ARHGAP20: variants seen among roughly 807,000 people sequenced by gnomAD.
ARHGAP20 encodes Rho GTPase activating protein 20.
ARHGAP20 carries 34 observed loss-of-function variants against 73.7 expected under a neutral mutation model. The observed-to-expected ratio is 0.46, with a 90% CI of 0.35 to 0.61. The LOEUF (loss-of-function observed/expected upper bound fraction) is 0.61. Ranked by LOEUF, ARHGAP20 falls within the 20% of genes least tolerant of loss-of-function variation. The pLI is 0.00. For missense variants in ARHGAP20, 1,314 were observed against 1,420.9 expected (o/e 0.92, Z 1.21); for synonymous variants, 523 against 518.2 (o/e 1.01, Z -0.13).
intron 7 of ARHGAP20, among the ~76,000 whole-genome samples, 168 bp from the exon 8 acceptor site, chr11:110,609,218 T>C (rs1302288116): frequency 2.6e-5 from 4 of 152,080 alleles, no homozygotes; most frequent in Admixed American, 1.3e-4. Context: ...ATAGGTAGCC[T>C]ACAGAGTGTA....
chr11:110,651,958 T>C (rs901296980), intron 2 of ARHGAP20, among the ~76,000 whole-genome samples: 10 of 152,088 alleles, frequency 6.6e-5, no homozygotes, highest in African/African-American at 1.2e-4. Context: ...CAGGTCAATA[T>C]ACCTGATGAA....
In ARHGAP20 at chr11:110,585,018, CATATATGTGA is replaced by C. The variant is rs1340584876; in HGVS notation, c.1415+1188_1415+1197del. On this transcript the variant is annotated intron_variant, in intron 12 of 14. Transcript: ENST00000683387. ...ATGAATATATGAATATGTATGTGAA[CATATATGTGA>C]ATATATGTGAATATATATGAATATA... is the stretch of plus-strand genomic sequence containing the variant. Among the ~76,000 whole-genome samples, 490 of 61,822 alleles carry C rather than the reference CATATATGTGA, an allele frequency of 7.9e-3. 3 individuals carry two copies. Among genetic ancestry groups the C allele is most frequent in the South Asian group, 0.029 (46 of 1,566 alleles). The allele number at this position is 61,822 out of a possible 152,430, so 40.6% of individuals were successfully genotyped here. A position where few individuals can be genotyped will look rare whatever the true frequency, so the allele number is the denominator to read the frequency against.
Position 110,646,325 on chromosome 11 carries a change from C to G in ARHGAP20, c.189-15533G>C, listed in dbSNP as rs376803669. ...TAATTGATTCATAACTAAAAGAAAA[C>G]AGCTGGCTTTGAAAGGAAACTTTTA... On this transcript the variant is annotated intron_variant, in intron 2 of 14. Transcript: ENST00000683387. 1.1e-4 allele frequency among the ~76,000 whole-genome samples: 17 copies of G among 152,068 alleles called. 1 individual carries two copies. The highest frequency in any genetic ancestry group is 9.2e-4 in the Admixed American group (14 of 15,256).
intron 13 of ARHGAP20, among the ~76,000 whole-genome samples, chr11:110,582,719 T>C (rs1947507144): frequency 6.6e-6 from 1 of 152,240 alleles, no homozygotes; most frequent in Non-Finnish European, 1.5e-5. Context: ...AAATATATTT[T>C]GTTATTAAAA....
chr11:110,672,855 A>T (rs1949856392), intron 2 of ARHGAP20, among the ~76,000 whole-genome samples: 2 of 152,232 alleles, frequency 1.3e-5, no homozygotes, highest in Non-Finnish European at 2.9e-5. Flanking sequence ...ACATTACATG[A>T]CCTAGTAATT....
intron 12 of ARHGAP20, among the ~76,000 whole-genome samples, chr11:110,584,911 A>ATATG (rs2134794587): frequency 6.7e-6 from 1 of 149,398 alleles, no homozygotes; most frequent in Admixed American, 6.8e-5. Flanking sequence ...ATGTGAATAT[A>ATATG]TATATGAATA....
At chr11:110,585,032 T>TATATGA (rs377538550) in intron 12 of ARHGAP20, among the ~76,000 whole-genome samples, 24,476 of 146,426 alleles carry the variant, frequency 0.17, 2,565 homozygotes, top group East Asian at 0.31. Flanking sequence ...TATGTGAATA[T>TATATGA]ATGTGAATAT....
intron 2 of ARHGAP20, among the ~76,000 whole-genome samples, chr11:110,634,395 C>A (rs554581943): frequency 6.6e-6 from 1 of 152,050 alleles, no homozygotes; most frequent in African/African-American, 2.4e-5. Flanking sequence ...GTATTACTAT[C>A]CCTCATTTTA....
chr11:110,637,857 G>T (rs1480283525), intron 2 of ARHGAP20, among the ~76,000 whole-genome samples: 1 of 152,084 alleles, frequency 6.6e-6, no homozygotes, highest in Non-Finnish European at 1.5e-5. Context: ...AATGAAGGCT[G>T]AAGGGCACTT....
At chr11:110,591,337 C>G (rs944364489) in intron 10 of ARHGAP20, among the ~76,000 whole-genome samples, 2 of 152,198 alleles carry the variant, frequency 1.3e-5, no homozygotes. Context: ...ATGATAACAA[C>G]TATCCCCTAA....
chr11:110,657,123 A>G (rs192431081), intron 2 of ARHGAP20, among the ~76,000 whole-genome samples: 2 of 152,336 alleles, frequency 1.3e-5, no homozygotes, highest in Admixed American at 1.3e-4. Flanking sequence ...TAAAATAGAA[A>G]TGATGGTCTC....
rs374179856 is a variant in ARHGAP20 at position 110,579,722 on chromosome 11, G to A, written c.3224C>T (p.Pro1075Leu). 1.1e-5 allele frequency: 18 copies of A among 1,614,180 alleles called. No homozygotes were observed. Among genetic ancestry groups the A allele is most frequent in the East Asian group, 2.2e-5 (1 of 44,886 alleles). Residue 1075 changes from proline (P) to leucine (L), a missense_variant, in exon 15 of 15, where the codon CCA becomes CTA. Physicochemically the swap from Pro to Leu is moderately conservative, Grantham distance 98. This residue lies in a region of ARHGAP20 where 641 missense variants were observed against 636.9 expected (regional missense o/e 1.01). Transcript: ENST00000683387. Reference sequence around the variant, plus strand: ...GGCTTCTGGAACACCAGAAGCATGTGGGGGTGGCTCTAAGGGTCCTTTTGG... The same window carrying A: ...GGCTTCTGGAACACCAGAAGCATGTAGGGGTGGCTCTAAGGGTCCTTTTGG... ...ASPKGPLEPP[P>L]HASGVPEANS...
chr11:110,622,627 A>G (rs1232040837), intron 4 of ARHGAP20, among the ~76,000 whole-genome samples: 1 of 152,170 alleles, frequency 6.6e-6, no homozygotes, highest in African/African-American at 2.4e-5. Flanking sequence ...TAACTGATCT[A>G]TGACCATTTC....
rs561198083 is a variant in ARHGAP20 at position 110,606,766 on chromosome 11, C to G, written c.776-17G>C. The G allele has an allele frequency of 6.6e-7, 1 of 1,508,566 alleles. No individual in the cohort carries two copies. The allele number at this position is 1,508,566 out of a possible 1,614,324, so 93.4% of individuals were successfully genotyped here. ...ATTCATGCCCTACACAGAGACAAATCTAAATGTAGACTTCAGGCTGACTGG... is the reference window on the plus strand; with the variant it reads ...ATTCATGCCCTACACAGAGACAAATGTAAATGTAGACTTCAGGCTGACTGG... On this transcript the variant is annotated splice_polypyrimidine_tract_variant and intron_variant, in intron 8 of 14. Transcript: ENST00000683387.
At chr11:110,654,847 TA>T (rs894433239) in intron 2 of ARHGAP20, among the ~76,000 whole-genome samples, 1 of 152,236 alleles carries the variant, frequency 6.6e-6, no homozygotes, top group Non-Finnish European at 1.5e-5. Flanking sequence ...TCATTCCCAA[TA>T]CAATTATATT....
intron 2 of ARHGAP20, among the ~76,000 whole-genome samples, chr11:110,667,686 G>C (rs1157294947): frequency 2.6e-5 from 4 of 152,142 alleles, no homozygotes; most frequent in Non-Finnish European, 4.4e-5. Flanking sequence ...TTTCTGAAAA[G>C]GATTCACCAT....
At chr11:110,664,144 C>G (rs1482413063) in intron 2 of ARHGAP20, among the ~76,000 whole-genome samples, 1 of 151,990 alleles carries the variant, frequency 6.6e-6, no homozygotes. Context: ...CCACTAGAAC[C>G]ACTTCTCTTC....
intron 2 of ARHGAP20, among the ~76,000 whole-genome samples, chr11:110,668,937 C>T (rs1345211116): frequency 6.6e-6 from 1 of 152,108 alleles, no homozygotes; most frequent in East Asian, 1.9e-4. Flanking sequence ...AAAATGAACA[C>T]TGACCCTTAT....
At chr11:110,611,819 G>T (rs1948373614) in intron 6 of ARHGAP20, among the ~76,000 whole-genome samples, 1 of 70,012 alleles carries the variant, frequency 1.4e-5, no homozygotes, top group African/African-American at 7.3e-5. Flanking sequence ...TTCACAATAC[G>T]TTTTATTTCT....
Sources: gnomAD v4.1 joint callset for allele counts (sites outside exome capture counted in the v4.1 genomes callset) on GRCh38, gnomAD v4.1.1 for gene constraint, gnomAD v4.1.1 regional missense constraint, MANE v1.5 for transcripts, NCBI Gene and HGNC (gene_info 2026-07-23, HGNC 2026-07-21) for gene names.